The following VPS53 variants were observed in gnomAD, a reference collection of about 807,000 sequenced individuals.
VPS53 encodes vacuolar protein sorting-associated protein 53 homolog.
In VPS53, 70 loss-of-function variants were observed where a neutral mutation model predicts 107.0. The ratio of observed to expected loss-of-function variants is 0.65; its 90% CI spans 0.54 to 0.80. The LOEUF (loss-of-function observed/expected upper bound fraction) is 0.80, where lower values mean the gene tolerates loss of function less well. Ranked by LOEUF, VPS53 falls within the 30% of genes least tolerant of loss-of-function variation. The pLI is 0.00. For missense variants in VPS53, 917 were observed against 1,049.4 expected, an observed-to-expected ratio of 0.87 and a Z score of 1.74; for synonymous variants, 409 against 393.3, an observed-to-expected ratio of 1.04 and a Z score of -0.47.
chr17:600,254 G>C (rs1007161106), intron 12 of VPS53, among the ~76,000 whole-genome samples: 1 of 152,244 alleles, frequency 6.6e-6, no homozygotes, highest in African/African-American at 2.4e-5. Flanking sequence ...AAGCATCTGA[G>C]TGTTTAACTG....
At chr17:523,814 G>C (rs893372407) in intron 19 of VPS53, among the ~76,000 whole-genome samples, 7 of 152,162 alleles carry the variant, frequency 4.6e-5, no homozygotes, top group African/African-American at 1.2e-4. Context: ...CAAGGGCTCA[G>C]AGAAAAGGGT....
intron 6 of VPS53, among the ~76,000 whole-genome samples, chr17:655,474 G>A (rs1042023400): frequency 3.3e-5 from 5 of 151,810 alleles, no homozygotes; most frequent in African/African-American, 7.3e-5. Context: ...ATATGGGCCC[G>A]CGTCACTCTG....
chr17:623,840 A>G (rs1022352689), intron 10 of VPS53, among the ~76,000 whole-genome samples, 166 bp from the exon 11 acceptor site: 2 of 152,158 alleles, frequency 1.3e-5, no homozygotes, highest in African/African-American at 4.8e-5. Context: ...ATAGAAATAC[A>G]TATTCTAAAC....
intron 19 of VPS53, among the ~76,000 whole-genome samples, chr17:531,004 T>A (rs1297912356): frequency 2.6e-4 from 39 of 152,248 alleles, no homozygotes; most frequent in Admixed American, 2.6e-3. Context: ...TAGCTTCCAA[T>A]GCCATAGCTT....
At position 588,044 on chromosome 17, in the gene VPS53, A is replaced by G. The variant is rs537921700; in HGVS notation, c.1219-1680T>C. Among the ~76,000 whole-genome samples, 221 of 152,242 alleles carry G rather than the reference A, an allele frequency of 1.5e-3. 1 individual carries two copies. The highest frequency in any genetic ancestry group is 4.3e-3 in the African/African-American group (179 of 41,556). ...CTTGTGGTAAGAATGCTTGCTGGGCACGGTGGCTCACGCCTGTAATCCCAG... is the reference window on the plus strand; with the variant it reads ...CTTGTGGTAAGAATGCTTGCTGGGCGCGGTGGCTCACGCCTGTAATCCCAG... On this transcript the variant is annotated intron_variant, in intron 12 of 21. Transcript: ENST00000437048.
chr17:584,138 G>A (rs1444539553), intron 13 of VPS53, among the ~76,000 whole-genome samples: 2 of 152,188 alleles, frequency 1.3e-5, no homozygotes, highest in African/African-American at 2.4e-5. Context: ...TCCTGCAGCC[G>A]CTGTTGCTCT....
intron 4 of VPS53, among the ~76,000 whole-genome samples, chr17:663,780 C>A (rs1480708392): frequency 2.6e-5 from 4 of 152,086 alleles, no homozygotes; most frequent in Non-Finnish European, 5.9e-5. Context: ...GAATGCCTCC[C>A]ATATACCAGG....
chr17:589,935 G>C (rs9892023), intron 12 of VPS53, among the ~76,000 whole-genome samples: 6,426 of 151,952 alleles, frequency 0.042, 447 homozygotes, highest in African/African-American at 0.15. Context: ...TAGCTTGATG[G>C]GGATGGCATT....
intron 12 of VPS53, among the ~76,000 whole-genome samples, chr17:598,494 G>A (rs370095702): frequency 3.5e-5 from 5 of 143,930 alleles, no homozygotes; most frequent in Admixed American, 6.9e-5. Flanking sequence ...CCGCCCGGCC[G>A]CCATCCCACC....
intron 4 of VPS53, among the ~76,000 whole-genome samples, chr17:682,386 C>A (rs905632754): frequency 6.6e-6 from 1 of 152,114 alleles, no homozygotes; most frequent in African/African-American, 2.4e-5. Context: ...TTTTCTTGAA[C>A]CTAGCAGAGA....
intron 5 of VPS53, 101 bp from the exon 6 acceptor site, chr17:656,054 G>A: frequency 1.5e-5 from 12 of 826,386 alleles, no homozygotes; most frequent in South Asian, 3.9e-5. Flanking sequence ...GATGAAGCAG[G>A]GAAAAATCTC....
At position 509,596 on chromosome 17, in the gene VPS53, C is replaced by T. The variant is rs1210141605; in HGVS notation, c.*9532G>A. ...TCACTACTCACATATCGAATCCTGG[C>T]TCACCCCTCACTAGTCACGTATGGA... On this transcript the variant is annotated 3_prime_UTR_variant, in exon 22 of 22. Transcript: ENST00000437048. The T allele has an allele frequency of 5.9e-6, 1 of 168,240 alleles. No individual in the cohort carries two copies. Among genetic ancestry groups the T allele is most frequent in the African/African-American group, 2.4e-5 (1 of 40,942 alleles). The allele number at this position is 168,240 out of a possible 1,614,324, so 10.4% of individuals were successfully genotyped here.
chr17:602,470 G>C (rs1968373717), intron 11 of VPS53, among the ~76,000 whole-genome samples: 1 of 152,204 alleles, frequency 6.6e-6, no homozygotes, highest in African/African-American at 2.4e-5. Flanking sequence ...CTCTTCCCAA[G>C]TAAGCCCCAT....
At chr17:554,951 A>T (rs1912200791) in intron 15 of VPS53, among the ~76,000 whole-genome samples, 1 of 152,244 alleles carries the variant, frequency 6.6e-6, no homozygotes, top group Non-Finnish European at 1.5e-5. Context: ...ATTTAATGAG[A>T]GCCCGCTTTG....
chr17:639,454 T>C (rs1970334056), intron 7 of VPS53, among the ~76,000 whole-genome samples: 1 of 152,254 alleles, frequency 6.6e-6, no homozygotes, highest in South Asian at 2.1e-4. Context: ...GTTCCATTGC[T>C]GGCGAGGTGC....
intron 19 of VPS53, among the ~76,000 whole-genome samples, chr17:523,888 T>C (rs1480432294): frequency 2.0e-5 from 3 of 152,234 alleles, no homozygotes; most frequent in Admixed American, 1.3e-4. Context: ...AGCCTGGCGT[T>C]AGCGCACTTT....
At chr17:673,116 A>G (rs534062749) in intron 4 of VPS53, among the ~76,000 whole-genome samples, 2,351 of 149,932 alleles carry the variant, frequency 0.016, 28 homozygotes, top group Middle Eastern at 0.031. Context: ...CGTCGCAAAA[A>G]AAAAACAAAA....
At position 514,363 on chromosome 17, in the gene VPS53, A is replaced by G. The variant is rs12951073; in HGVS notation, c.*4765T>C. 0.1 allele frequency: 11,224 copies of G among 110,292 alleles called. 320 individuals are homozygous for G. The highest frequency in any genetic ancestry group is 0.13 in the East Asian group (463 of 3,674). The allele number at this position is 110,292 out of a possible 1,614,324, so 6.8% of individuals were successfully genotyped here. A position where few individuals can be genotyped will look rare whatever the true frequency, so the allele number is the denominator to read the frequency against. On this transcript the variant is annotated 3_prime_UTR_variant, in exon 22 of 22. Coordinates refer to ENST00000437048, the MANE Select transcript of VPS53 (RefSeq NM_001128159.3). ...TCCGAGTGCTCTTCCTAGGTAAGGA[A>G]TCCCATTTCCAGCAGGTTATTCCGA... is the stretch of plus-strand genomic sequence containing the variant.
chr17:713,912 G>C (rs1343262746), intron 1 of VPS53, among the ~76,000 whole-genome samples: 1 of 151,564 alleles, frequency 6.6e-6, no homozygotes, highest in Non-Finnish European at 1.5e-5. Context: ...GGGTGTGGTG[G>C]CGTGCGCCTG....
Sources: allele counts gnomAD v4.1 joint callset (sites outside exome capture counted in the v4.1 genomes callset), GRCh38; gene constraint gnomAD v4.1.1; transcripts MANE v1.5; gene names NCBI Gene and HGNC (gene_info 2026-07-23, HGNC 2026-07-21).